Variants in DLG2 observed in about 807,000 individuals in gnomAD.
DLG2 encodes disks large homolog 2.
DLG2 carries 45 observed loss-of-function variants against 132.5 expected under a neutral mutation model. The observed-to-expected ratio is 0.34, with a 90% CI of 0.27 to 0.44. The LOEUF (loss-of-function observed/expected upper bound fraction) is 0.44, where lower values mean the gene tolerates loss of function less well. Among genes scored for constraint, DLG2 ranks in the 20% least tolerant of loss-of-function variants. The probability of loss-of-function intolerance (pLI) is 1.00; values close to 1 mark genes in which losing one functional copy is unlikely to be tolerated. For missense variants in DLG2, 1,045 were observed against 1,196.9 expected, an observed-to-expected ratio of 0.87 and a Z score of 1.87; for synonymous variants, 424 against 419.6, an observed-to-expected ratio of 1.01 and a Z score of -0.13.
Position 84,549,396 on chromosome 11 carries a change from T to C in DLG2, c.358-14665A>G, listed in dbSNP as rs944350166. Among the ~76,000 whole-genome samples the C allele has an allele frequency of 7.2e-5, 11 of 152,246 alleles. 1 individual carries two copies. Among genetic ancestry groups the C allele is most frequent in the Non-Finnish European group, 5.9e-5 (4 of 68,050 alleles). ...ACTAATCCACCAGCTGTGCAACTGC[T>C]ACAGCATCTGTGAGTGAGAATCATT... is the stretch of plus-strand genomic sequence containing the variant. On this transcript the variant is annotated intron_variant, in intron 6 of 27. Transcript: ENST00000376104.
intron 3 of DLG2, among the ~76,000 whole-genome samples, chr11:85,377,823 GTATACATATATA>G (rs1362865216): frequency 2.3e-4 from 33 of 146,098 alleles, no homozygotes; most frequent in East Asian, 1.2e-3. Flanking sequence ...GTGTGTGTGT[GTATACATATATA>G]TGTGTGTATA....
intron 19 of DLG2, among the ~76,000 whole-genome samples, chr11:83,622,857 G>A (rs897345236): frequency 6.6e-6 from 1 of 152,146 alleles, no homozygotes; most frequent in Non-Finnish European, 1.5e-5. Flanking sequence ...TGTTCCATAT[G>A]CATATCAGAA....
rs567609693 is a variant in DLG2 at position 83,628,041 on chromosome 11, G to A, written c.1940+5170C>T. Among the ~76,000 whole-genome samples the A allele has an allele frequency of 2.0e-5, 3 of 152,162 alleles. No homozygotes were observed. In the South Asian group the frequency reaches 6.2e-4, roughly 32 times the overall value. ...TGAGAAGTGTCTGTTCATATCCTTC[G>A]CCCACTTTTTGATGGGGTTGTTTGT... On this transcript the variant is annotated intron_variant, in intron 19 of 27. Coordinates refer to ENST00000376104, the MANE Select transcript of DLG2 (RefSeq NM_001142699.3).
intron 6 of DLG2, among the ~76,000 whole-genome samples, chr11:84,582,557 A>T (rs1444502954): frequency 6.7e-6 from 1 of 150,114 alleles, no homozygotes; most frequent in Non-Finnish European, 1.5e-5. Context: ...GTTTTCCAAA[A>T]TAATAATAAT....
chr11:84,560,651 C>T (rs2099425576), intron 6 of DLG2, among the ~76,000 whole-genome samples: 1 of 151,972 alleles, frequency 6.6e-6, no homozygotes. Flanking sequence ...GGGTTAAAAT[C>T]AACAGAAAAT....
intron 3 of DLG2, among the ~76,000 whole-genome samples, chr11:85,349,796 C>T (rs755308795): frequency 2.6e-5 from 4 of 152,080 alleles, no homozygotes; most frequent in Admixed American, 6.6e-5. Context: ...CACATTTTCT[C>T]AATCCAGTCT....
At chr11:83,521,060 C>A (rs2095467710) in intron 21 of DLG2, among the ~76,000 whole-genome samples, 2 of 152,286 alleles carry the variant, frequency 1.3e-5, no homozygotes, top group South Asian at 4.1e-4. Context: ...TCCTTGTTTT[C>A]CCCCAGGCCC....
At chr11:85,340,922 G>A (rs1455507225) in intron 3 of DLG2, among the ~76,000 whole-genome samples, 1 of 152,058 alleles carries the variant, frequency 6.6e-6, no homozygotes, top group Non-Finnish European at 1.5e-5. Context: ...AATTAATTTG[G>A]AGTGAACTTT....
At chr11:84,387,244 C>T (rs2154437588) in intron 7 of DLG2, among the ~76,000 whole-genome samples, 1 of 152,100 alleles carries the variant, frequency 6.6e-6, no homozygotes, top group South Asian at 2.1e-4. Flanking sequence ...TGGTGATTGA[C>T]ATCTAAATAA....
chr11:84,540,018 T>C (rs1565238145), intron 6 of DLG2, among the ~76,000 whole-genome samples: 2 of 152,194 alleles, frequency 1.3e-5, no homozygotes, highest in South Asian at 4.1e-4. Flanking sequence ...AATCCTTCCT[T>C]ACATCTTATA....
chr11:85,386,891 C>A (rs926822197), intron 3 of DLG2, among the ~76,000 whole-genome samples: 1 of 143,640 alleles, frequency 7.0e-6, no homozygotes, highest in Admixed American at 7.0e-5. Context: ...AATATCCTTT[C>A]TTTTTTTTTT....
chr11:85,422,972 A>ATT (rs34406437), intron 3 of DLG2, among the ~76,000 whole-genome samples: 121 of 151,492 alleles, frequency 8.0e-4, no homozygotes, highest in East Asian at 2.0e-3. Context: ...GTTTGGGTCC[A>ATT]TTTTTTTTGA....
At chr11:83,938,882 C>T (rs1240912798) in intron 14 of DLG2, among the ~76,000 whole-genome samples, 1 of 152,042 alleles carries the variant, frequency 6.6e-6, no homozygotes, top group Non-Finnish European at 1.5e-5. Flanking sequence ...TACAGCTTTC[C>T]CTTCAAGATA....
At chr11:85,117,002 T>C (rs142631421) in intron 5 of DLG2, among the ~76,000 whole-genome samples, 2 of 152,082 alleles carry the variant, frequency 1.3e-5, no homozygotes, top group East Asian at 3.9e-4. Flanking sequence ...ATACTGGGAT[T>C]TGACTCTCAC....
At chr11:83,581,132 G>C (rs899205732) in intron 19 of DLG2, among the ~76,000 whole-genome samples, 1 of 151,934 alleles carries the variant, frequency 6.6e-6, no homozygotes, top group Non-Finnish European at 1.5e-5. Context: ...AAGGCTGAGA[G>C]AGTCTTGATG....
At chr11:84,951,364 C>G (rs2050888875) in intron 6 of DLG2, among the ~76,000 whole-genome samples, 1 of 151,960 alleles carries the variant, frequency 6.6e-6, no homozygotes, top group South Asian at 2.1e-4. Context: ...AGAGAGCATG[C>G]TTAAGTTTAG....
chr11:83,572,078 G>A (rs2096805580), intron 19 of DLG2, among the ~76,000 whole-genome samples: 1 of 151,858 alleles, frequency 6.6e-6, no homozygotes, highest in African/African-American at 2.4e-5. Context: ...GGAATTATGA[G>A]TGGGTTATCT....
intron 17 of DLG2, among the ~76,000 whole-genome samples, chr11:83,807,968 C>T (rs539370373): frequency 6.6e-6 from 1 of 152,268 alleles, no homozygotes; most frequent in Non-Finnish European, 1.5e-5. Flanking sequence ...GCAGGTAACA[C>T]TCCTATCTTT....
At chr11:84,408,375 A>C (rs1045742874) in intron 7 of DLG2, among the ~76,000 whole-genome samples, 4 of 151,864 alleles carry the variant, frequency 2.6e-5, no homozygotes, top group African/African-American at 9.7e-5. Flanking sequence ...TTTAAGTTCT[A>C]GGGTACATGT....
Sources: gnomAD v4.1 joint callset for allele counts (sites outside exome capture counted in the v4.1 genomes callset) on GRCh38, gnomAD v4.1.1 for gene constraint, MANE v1.5 for transcripts, NCBI Gene and HGNC (gene_info 2026-07-23, HGNC 2026-07-21) for gene names.